Variants in DDX60L observed in about 807,000 individuals in gnomAD.
The protein encoded by DDX60L is DExD/H-box 60 like, also known as probable ATP-dependent RNA helicase DDX60-like.
A neutral mutation model predicts 211.6 loss-of-function variants in DDX60L; 191 were observed. The ratio of observed to expected loss-of-function variants is 0.90; its 90% CI spans 0.80 to 1.02. DDX60L has a LOEUF of 1.02. Among genes scored for constraint, DDX60L ranks in the 50% least tolerant of loss-of-function variants. The pLI is 0.00. For missense variants in DDX60L, 2,007 were observed against 1,984.1 expected (o/e 1.01, Z -0.22); for synonymous variants, 706 against 694.1 (o/e 1.02, Z -0.27).
intron 4 of DDX60L, among the ~76,000 whole-genome samples, chr4:168,464,443 A>ATATTTT (rs1757710418): frequency 7.2e-6 from 1 of 138,936 alleles, no homozygotes; most frequent in Non-Finnish European, 1.5e-5. Context: ...TTATAATTGT[A>ATATTTT]TTTTTTTTTT....
chr4:168,387,383 C>T (rs946443280), intron 29 of DDX60L, among the ~76,000 whole-genome samples: 12 of 152,192 alleles, frequency 7.9e-5, no homozygotes, highest in African/African-American at 2.4e-4. Flanking sequence ...ACTATTTCAA[C>T]CAATCAGAAA....
chr4:168,466,046 G>A (rs1318717092), intron 4 of DDX60L, among the ~76,000 whole-genome samples: 5 of 152,046 alleles, frequency 3.3e-5, no homozygotes, highest in Non-Finnish European at 7.4e-5. Context: ...ACCATTAGAT[G>A]CAAATTTGTG....
intron 26 of DDX60L, among the ~76,000 whole-genome samples, chr4:168,400,262 A>G (rs1333400123): frequency 6.7e-6 from 1 of 149,578 alleles, no homozygotes; most frequent in East Asian, 2.0e-4. Flanking sequence ...TATCCAGTCT[A>G]TCATTGATGG....
rs577606832 is a variant in DDX60L, at chr4:168,392,158, G to A, written c.3811-514C>T. Among the ~76,000 whole-genome samples the A allele has an allele frequency of 8.5e-5, 13 of 152,226 alleles. No homozygotes were observed. The South Asian group carries it at 2.1e-3, about 24-fold the overall frequency. ...ATAGGGTAATAATGTTTTGTCTTAC[G>A]TACTCTGGACAACCACCTTCTCTTA... is the stretch of plus-strand genomic sequence containing the variant. On this transcript the variant is annotated intron_variant, in intron 28 of 37. Transcript: ENST00000682922.
Position 168,394,454 on chromosome 4 carries a change from A to G in DDX60L, c.3810+11T>C. ...CAACTTTATTTTTTAAATGCAAAGA[A>G]ATTTACCTACCCTAATAAGCCCTTT... On this transcript the variant is annotated intron_variant, in intron 28 of 37. Coordinates refer to ENST00000682922, the MANE Select transcript of DDX60L (RefSeq NM_001012967.3). 13 of 1,583,674 alleles carry G rather than the reference A, an allele frequency of 8.2e-6. No homozygotes were observed. The highest frequency in any genetic ancestry group is 1.0e-5 in the Non-Finnish European group (12 of 1,169,010).
chr4:168,405,965 A>T lies in DDX60L; in HGVS notation c.3198T>A (p.Asn1066Lys), dbSNP rs1747681500. 28 of 1,575,120 alleles carry T rather than the reference A, an allele frequency of 1.8e-5. No homozygotes were observed. The highest frequency in any genetic ancestry group is 2.4e-5 in the Non-Finnish European group (28 of 1,163,354). ...TGAAAATTACCTTCTTCACTTGGCC[A>T]TTTTTAATCCAATTTGTCAATTCTG... Reference protein sequence around the residue: ...LKAELTNWIKNGQVKKVKRVL... With the variant: ...LKAELTNWIKKGQVKKVKRVL... The change falls in exon 24 of 38, where the codon AAT becomes AAA. Residue 1066 changes from asparagine (N) to lysine (K), a missense_variant. Physicochemically the swap from Asn to Lys is moderately conservative, Grantham distance 94. Transcript: ENST00000682922.
At chr4:168,432,831 A>C (rs1051150714) in intron 11 of DDX60L, among the ~76,000 whole-genome samples, 179 bp downstream of exon 11, 2 of 150,792 alleles carry the variant, frequency 1.3e-5, no homozygotes, top group African/African-American at 2.4e-5. Flanking sequence ...TTTATATAGT[A>C]ATGTTCAAAT....
At chr4:168,360,086 AT>A (rs1738848414) in intron 37 of DDX60L, among the ~76,000 whole-genome samples, 1 of 152,198 alleles carries the variant, frequency 6.6e-6, no homozygotes, top group Non-Finnish European at 1.5e-5. Flanking sequence ...TTATAGTAGC[AT>A]TAATCATAAA....
chr4:168,437,533 A>T (rs1418301346), intron 10 of DDX60L, among the ~76,000 whole-genome samples: 2 of 152,210 alleles, frequency 1.3e-5, no homozygotes, highest in African/African-American at 4.8e-5. Context: ...CCAGAGAAAC[A>T]TTTAAGACTG....
chr4:168,419,445 TTA>T (rs1209224943), intron 18 of DDX60L, 48 bp from the exon 19 acceptor site: 1 of 1,392,944 alleles, frequency 7.2e-7, no homozygotes, highest in South Asian at 1.3e-5. Flanking sequence ...AGCATTAATT[TTA>T]TATCAGGCAT....
chr4:168,420,232 T>A lies in DDX60L; in HGVS notation c.2514+29A>T, dbSNP rs777816293. The A allele has an allele frequency of 2.6e-5, 39 of 1,512,220 alleles. No individual in the cohort carries two copies. In the South Asian group the frequency reaches 4.7e-4, roughly 18 times the overall value. 93.7% of individuals were successfully genotyped at this position (1,512,220 alleles called of 1,614,324 possible). A position where few individuals can be genotyped will look rare whatever the true frequency, so the allele number is the denominator to read the frequency against. On this transcript the variant is annotated intron_variant, in intron 18 of 37. Coordinates refer to ENST00000682922, the MANE Select transcript of DDX60L (RefSeq NM_001012967.3). Reference sequence around the variant, plus strand: ...ATATAAGTACTGCTCTATAATTTGATAATAAACTCATTAATTAATATGTCA... The same window carrying A: ...ATATAAGTACTGCTCTATAATTTGAAAATAAACTCATTAATTAATATGTCA...
At chr4:168,458,694 C>T (rs760360646) in intron 5 of DDX60L, among the ~76,000 whole-genome samples, 8 of 152,110 alleles carry the variant, frequency 5.3e-5, no homozygotes, top group East Asian at 1.9e-4. Flanking sequence ...ATAACTAATG[C>T]GTGCAGGGTT....
At position 168,454,609 on chromosome 4, in the gene DDX60L, A is replaced by T. The variant is rs1756252865; in HGVS notation, c.838-1327T>A. Among the ~76,000 whole-genome samples, 5 of 152,256 alleles carry T rather than the reference A, an allele frequency of 3.3e-5. No individual in the cohort carries two copies. In the South Asian group the frequency reaches 1.0e-3, roughly 32 times the overall value. On this transcript the variant is annotated intron_variant, in intron 7 of 37. Coordinates refer to ENST00000682922, the MANE Select transcript of DDX60L (RefSeq NM_001012967.3). ...ATTAGACAATCAATATCCTTAGCTA[A>T]GGGAATTAATAAATGTGTTATCAGT...
At chr4:168,452,067 G>A (rs1231081958) in intron 8 of DDX60L, among the ~76,000 whole-genome samples, 3 of 152,114 alleles carry the variant, frequency 2.0e-5, no homozygotes, top group Non-Finnish European at 2.9e-5. Context: ...ATTCAATAAT[G>A]CAAATTGAAG....
intron 4 of DDX60L, chr4:168,470,193 C>G (rs1464957831): frequency 6.6e-6 from 1 of 152,202 alleles, no homozygotes; most frequent in African/African-American, 2.4e-5. Context: ...CACAGGGCAC[C>G]AGAACTGTTA....
At chr4:168,458,255 A>T (rs751690444) in intron 5 of DDX60L, among the ~76,000 whole-genome samples, 3 of 152,160 alleles carry the variant, frequency 2.0e-5, no homozygotes, top group Admixed American at 6.5e-5. Flanking sequence ...CAATTCCTCA[A>T]AGACTTAGAA....
At chr4:168,424,072 T>C (rs926212583) in intron 14 of DDX60L, among the ~76,000 whole-genome samples, 21 of 152,196 alleles carry the variant, frequency 1.4e-4, no homozygotes, top group African/African-American at 4.3e-4. Flanking sequence ...CCATTTAAAC[T>C]GAGCTCTGTA....
chr4:168,453,374 T>C, intron 7 of DDX60L, 92 bp from the exon 8 acceptor site: 1 of 1,318,994 alleles, frequency 7.6e-7, no homozygotes, highest in East Asian at 2.5e-5. Flanking sequence ...ATCTTCAAAG[T>C]TTTACATCTA....
Position 168,394,498 on chromosome 4 carries a change from A to G in DDX60L, c.3777T>C (p.Phe1259=). 2 of 1,610,044 alleles carry G rather than the reference A, an allele frequency of 1.2e-6. No homozygotes were observed. Among genetic ancestry groups the G allele is most frequent in the Admixed American group, 3.4e-5 (2 of 59,142 alleles). ...HSSMYFKEKE[F]VEILFVKGLI... Reference sequence around the variant, plus strand: ...GCCCTTTTACAAAGAGTATCTCAACAAACTCTTTTTCTTTAAAATACATGC... The same window carrying G: ...GCCCTTTTACAAAGAGTATCTCAACGAACTCTTTTTCTTTAAAATACATGC... Residue 1259 remains phenylalanine, a synonymous_variant, in exon 28 of 38, where the codon TTT becomes TTC. Coordinates refer to ENST00000682922, the MANE Select transcript of DDX60L (RefSeq NM_001012967.3).
Sources: gnomAD v4.1 joint callset for allele counts (sites outside exome capture counted in the v4.1 genomes callset) on GRCh38, gnomAD v4.1.1 for gene constraint, MANE v1.5 for transcripts, NCBI Gene and HGNC (gene_info 2026-07-23, HGNC 2026-07-21) for gene names.